The following ARFGAP3 variants were observed in gnomAD, a reference collection of about 807,000 sequenced individuals.
ARFGAP3 encodes the protein ADP-ribosylation factor GTPase-activating protein 3.
ARFGAP3 carries 72 observed loss-of-function variants against 75.0 expected under a neutral mutation model. The ratio of observed to expected loss-of-function variants is 0.96; its 90% CI spans 0.79 to 1.17. The LOEUF is 1.17. ARFGAP3 is among the 50% of genes most tolerant of loss of function. The pLI, the probability that ARFGAP3 is intolerant of heterozygous loss-of-function variation, is 0.00. For missense variants in ARFGAP3, 620 were observed against 626.6 expected (o/e 0.99, Z 0.11); for synonymous variants, 221 against 217.9 (o/e 1.01, Z -0.13).
intron 2 of ARFGAP3, among the ~76,000 whole-genome samples, chr22:42,844,641 TG>T (rs1926933194): frequency 1.3e-5 from 2 of 151,468 alleles, no homozygotes; most frequent in African/African-American, 2.4e-5. Context: ...GCTCAAGTGA[TG>T]TTTCCACCTT....
chr22:42,849,537 G>T (rs530213609), intron 1 of ARFGAP3, among the ~76,000 whole-genome samples: 1 of 147,856 alleles, frequency 6.8e-6, no homozygotes. Flanking sequence ...GCAGTGGCAC[G>T]GTCCTAGCTC....
chr22:42,857,044 G>C, intron 1 of ARFGAP3, 70 bp downstream of exon 1: 4 of 1,437,314 alleles, frequency 2.8e-6, no homozygotes. Flanking sequence ...ACGGGCACTG[G>C]CGCCCGCGGG....
chr22:42,848,254 G>A (rs1046721553), intron 1 of ARFGAP3, among the ~76,000 whole-genome samples: 2 of 152,016 alleles, frequency 1.3e-5, no homozygotes, highest in Non-Finnish European at 2.9e-5. Context: ...TGTCGCCCAG[G>A]CTGGAGTGCA....
chr22:42,801,805 C>T (rs910030304), intron 14 of ARFGAP3, among the ~76,000 whole-genome samples: 2 of 152,140 alleles, frequency 1.3e-5, no homozygotes, highest in African/African-American at 2.4e-5. Flanking sequence ...CTGGGGGAGA[C>T]GGTCTTCGCA....
rs923888579 is a variant in ARFGAP3 at position 42,820,342 on chromosome 22, G to A, written c.812+1928C>T. Among the ~76,000 whole-genome samples, 6 of 150,134 alleles carry A rather than the reference G, an allele frequency of 4.0e-5. No individual in the cohort carries two copies. In the South Asian group the frequency reaches 1.1e-3, roughly 27 times the overall value. ...ACACAAAGCATTTCAAACCATATTCGACCTAAATACAGTTCAGTGCTGCCC... is the reference window on the plus strand; with the variant it reads ...ACACAAAGCATTTCAAACCATATTCAACCTAAATACAGTTCAGTGCTGCCC... On this transcript the variant is annotated intron_variant, in intron 9 of 15. Transcript: ENST00000263245.
intron 14 of ARFGAP3, among the ~76,000 whole-genome samples, chr22:42,802,290 T>C (rs1442821353): frequency 3.6e-4 from 48 of 134,312 alleles, no homozygotes; most frequent in Non-Finnish European, 4.1e-4. Flanking sequence ...AAATAACAAT[T>C]TTTTTTTTTT....
At chr22:42,814,884 T>C (rs1287960964) in intron 11 of ARFGAP3, among the ~76,000 whole-genome samples, 1 of 152,158 alleles carries the variant, frequency 6.6e-6, no homozygotes, top group East Asian at 1.9e-4. Flanking sequence ...TACAGGCATG[T>C]CCACCATGCT....
At position 42,823,763 on chromosome 22, in the gene ARFGAP3, G is replaced by A. The variant is rs1005421905; in HGVS notation, c.626-61C>T. The stretch of plus-strand genomic sequence containing the variant: ...AGAAATAATTTTTCTTTTTTAGTGT[G>A]TCTTTTAAAATTCTAAGATACTGCA... On this transcript the variant is annotated intron_variant, in intron 7 of 15. Coordinates refer to ENST00000263245, the MANE Select transcript of ARFGAP3 (RefSeq NM_014570.5). The A allele has an allele frequency of 2.6e-5, 36 of 1,398,150 alleles. No individual in the cohort carries two copies. In the South Asian group the frequency reaches 4.7e-4, roughly 18 times the overall value. The allele number at this position is 1,398,150 out of a possible 1,614,324, so 86.6% of individuals were successfully genotyped here. A position where few individuals can be genotyped will look rare whatever the true frequency, so the allele number is the denominator to read the frequency against.
At chr22:42,820,110 C>A (rs559489536) in intron 9 of ARFGAP3, among the ~76,000 whole-genome samples, 2 of 152,190 alleles carry the variant, frequency 1.3e-5, no homozygotes, top group Admixed American at 6.5e-5. Context: ...CTCCATCCAG[C>A]TTACTTGCAG....
In ARFGAP3 at chr22:42,797,541, C is replaced by A. The variant is rs763151741; in HGVS notation, c.*47G>T. 8.1e-6 allele frequency: 13 copies of A among 1,613,452 alleles called. No homozygotes were observed. The highest frequency in any genetic ancestry group is 5.0e-5 in the Admixed American group (3 of 59,998). ...GCCGCCTGAGATGTGGTTACTTGTT[C>A]ATTTAAAGAGGAATTTCTCCAGGAA... On this transcript the variant is annotated 3_prime_UTR_variant, in exon 16 of 16. Transcript: ENST00000263245.
chr22:42,840,548 C>T (rs1313107250), intron 3 of ARFGAP3, among the ~76,000 whole-genome samples: 2 of 151,924 alleles, frequency 1.3e-5, no homozygotes, highest in Non-Finnish European at 2.9e-5. Flanking sequence ...TCCCGAGTAG[C>T]TGGGATTACA....
intron 1 of ARFGAP3, among the ~76,000 whole-genome samples, chr22:42,849,348 C>G (rs1927163886): frequency 6.6e-6 from 1 of 152,248 alleles, no homozygotes; most frequent in African/African-American, 2.4e-5. Flanking sequence ...CTGCCTCACT[C>G]TGTCCAGGTC....
At chr22:42,818,385 G>A (rs879260112) in intron 9 of ARFGAP3, among the ~76,000 whole-genome samples, 41 of 152,058 alleles carry the variant, frequency 2.7e-4, no homozygotes, top group African/African-American at 9.2e-4. Context: ...TATGCAATCA[G>A]GCTTCTGAGA....
intron 6 of ARFGAP3, among the ~76,000 whole-genome samples, chr22:42,827,261 A>C (rs1051277266): frequency 7.2e-5 from 11 of 152,252 alleles, no homozygotes; most frequent in Admixed American, 5.2e-4. Context: ...TCAAAATTCT[A>C]CCTTATGATC....
chr22:42,812,574 A>C (rs1476104626), intron 11 of ARFGAP3, among the ~76,000 whole-genome samples: 4 of 152,226 alleles, frequency 2.6e-5, no homozygotes, highest in African/African-American at 9.6e-5. Flanking sequence ...GCAAGAACCC[A>C]TAAGAGCAAA....
At chr22:42,798,904 G>T in intron 15 of ARFGAP3, 135 bp downstream of exon 15, 2 of 742,292 alleles carry the variant, frequency 2.7e-6, no homozygotes, top group Non-Finnish European at 4.7e-6. Flanking sequence ...TAATGTTCTG[G>T]GTTATAGTGT....
chr22:42,833,749 T>G (rs1233226096), intron 5 of ARFGAP3, among the ~76,000 whole-genome samples: 1 of 149,538 alleles, frequency 6.7e-6, no homozygotes, highest in African/African-American at 2.5e-5. Flanking sequence ...AGAGCGAAAC[T>G]CCATCTCAAA....
At chr22:42,821,415 G>GT (rs1925808194) in intron 9 of ARFGAP3, among the ~76,000 whole-genome samples, 2 of 152,264 alleles carry the variant, frequency 1.3e-5, no homozygotes, top group African/African-American at 4.8e-5. Context: ...CTGGCAACCA[G>GT]TAAGTTGCTT....
intron 2 of ARFGAP3, among the ~76,000 whole-genome samples, chr22:42,841,472 G>C (rs1040508684): frequency 2.0e-5 from 3 of 152,152 alleles, no homozygotes; most frequent in African/African-American, 7.2e-5. Context: ...GACCAGCAGA[G>C]AGAGGAAAAA....
Sources: allele counts gnomAD v4.1 joint callset (sites outside exome capture counted in the v4.1 genomes callset), GRCh38; gene constraint gnomAD v4.1.1; transcripts MANE v1.5; gene names NCBI Gene and HGNC (gene_info 2026-07-23, HGNC 2026-07-21).